STK24: variants seen among roughly 807,000 people sequenced by gnomAD.
The protein encoded by STK24 is serine/threonine kinase 24.
Under a neutral mutation model 55.6 loss-of-function variants are expected in STK24, and 21 were observed. The observed-to-expected ratio is 0.38, with a 90% CI of 0.27 to 0.54. STK24 has a LOEUF of 0.54. Among genes scored for constraint, STK24 ranks in the 20% least tolerant of loss-of-function variants. The pLI, the probability that STK24 is intolerant of heterozygous loss-of-function variation, is 0.79. For synonymous variants in STK24, 200 were observed against 215.2 expected (o/e 0.93, Z 0.62); for missense variants, 383 against 538.4 (o/e 0.71, Z 2.86).
At chr13:98,477,531 C>T (rs376022627) in intron 3 of STK24, among the ~76,000 whole-genome samples, 6 of 152,024 alleles carry the variant, frequency 3.9e-5, no homozygotes, top group African/African-American at 1.2e-4. Flanking sequence ...AAAAATTAGC[C>T]GGGCATGATG....
At chr13:98,508,268 C>T (rs971740699) in intron 2 of STK24, among the ~76,000 whole-genome samples, 3 of 152,144 alleles carry the variant, frequency 2.0e-5, no homozygotes, top group Non-Finnish European at 4.4e-5. Flanking sequence ...GATGGATTAA[C>T]TACATTAAAA....
At chr13:98,564,179 T>C (rs569096805) in intron 1 of STK24, among the ~76,000 whole-genome samples, 1 of 152,324 alleles carries the variant, frequency 6.6e-6, no homozygotes, top group African/African-American at 2.4e-5. Context: ...CTGAAATATA[T>C]GTATAGTATT....
chr13:98,453,517 A>C (rs1246981778), intron 10 of STK24: 6 of 339,740 alleles, frequency 1.8e-5, no homozygotes, highest in African/African-American at 1.3e-4. Context: ...CAAAAAGTGA[A>C]CATTGATCCA....
Position 98,463,825 on chromosome 13 carries a change from A to G in STK24, c.795T>C (p.Ala265=). Residue 265 remains alanine (A), a synonymous_variant, in exon 7 of 11, where the codon GCT becomes GCC. Coordinates refer to ENST00000539966, the MANE Select transcript of STK24 (RefSeq NM_001032296.4). ...TAAACTTGTGCTTCAATAACTCCTT[A>G]GCAGTGGGTCTCTGGAAAAACACAC... ...LNKEPSFRPT[A]KELLKHKFIL... The G allele has an allele frequency of 6.2e-7, 1 of 1,613,434 alleles. No individual in the cohort carries two copies. The highest frequency in any genetic ancestry group is 8.5e-7 in the Non-Finnish European group (1 of 1,179,678).
At chr13:98,514,919 G>A (rs1167641556) in intron 2 of STK24, among the ~76,000 whole-genome samples, 1 of 151,906 alleles carries the variant, frequency 6.6e-6, no homozygotes, top group Non-Finnish European at 1.5e-5. Flanking sequence ...TTACATACAT[G>A]ATCTCATCTT....
In STK24 at chr13:98,491,259, G is replaced by A. The variant is rs577578207; in HGVS notation, c.274-8938C>T. Among the ~76,000 whole-genome samples, 6 of 152,320 alleles carry A rather than the reference G, an allele frequency of 3.9e-5. No individual in the cohort carries two copies. In the South Asian group the frequency reaches 1.2e-3, roughly 32 times the overall value. On this transcript the variant is annotated intron_variant, in intron 2 of 10. Transcript: ENST00000539966. ...TAAACTAATGTCCAAGTTCCCAACAGGTGGCTTAGTCACTATTTTTAGGTA... is the reference window on the plus strand; with the variant it reads ...TAAACTAATGTCCAAGTTCCCAACAAGTGGCTTAGTCACTATTTTTAGGTA...
At chr13:98,523,625 G>A (rs932463596) in intron 1 of STK24, among the ~76,000 whole-genome samples, 3 of 152,180 alleles carry the variant, frequency 2.0e-5, no homozygotes, top group African/African-American at 4.8e-5. Flanking sequence ...AATGACATCC[G>A]CCCACTTCCT....
At chr13:98,495,828 C>T (rs1396329753) in intron 2 of STK24, among the ~76,000 whole-genome samples, 2 of 152,206 alleles carry the variant, frequency 1.3e-5, no homozygotes, top group Admixed American at 6.5e-5. Context: ...TGATTTGTTT[C>T]GTCGTTGCTG....
Position 98,474,933 on chromosome 13 carries a change from T to C in STK24, c.485A>G (p.Asp162Gly). ...LSEHGEVKLA[D>G]FGVAGQLTDT... is the part of the protein sequence containing the mutation. Reference sequence around the variant, plus strand: ...TGTCAGCTGGCCAGCCACGCCAAAGTCCGCCAGCTTCACCTCGCCATGCTC... The same window carrying C: ...TGTCAGCTGGCCAGCCACGCCAAAGCCCGCCAGCTTCACCTCGCCATGCTC... Residue 162 changes from aspartate (D) to glycine (G), a missense_variant, in exon 5 of 11, where the codon GAC becomes GGC. Physicochemically the swap from Asp to Gly is moderately conservative, Grantham distance 94. Transcript: ENST00000539966. The C allele has an allele frequency of 6.2e-7, 1 of 1,613,954 alleles. No individual in the cohort carries two copies. Among genetic ancestry groups the C allele is most frequent in the Non-Finnish European group, 8.5e-7 (1 of 1,179,948 alleles).
At chr13:98,530,114 C>T (rs1431128796) in intron 1 of STK24, among the ~76,000 whole-genome samples, 1 of 28,376 alleles carries the variant, frequency 3.5e-5, no homozygotes, top group African/African-American at 1.3e-4. Context: ...TACACACACA[C>T]ACGCACACAC....
At position 98,561,400 on chromosome 13, in the gene STK24, C is replaced by T. The variant is rs192311411; in HGVS notation, c.42+15345G>A. 2.1e-3 allele frequency among the ~76,000 whole-genome samples: 314 copies of T among 151,626 alleles called. 1 individual carries two copies. The highest frequency in any genetic ancestry group is 6.9e-3 in the African/African-American group (284 of 41,348). On this transcript the variant is annotated intron_variant, in intron 1 of 10. Transcript: ENST00000539966. ...GAGTTCAAGACCAGCCTGGCCAACA[C>T]GGTGAAACTCCCTCTCTACCAAAAA...
At chr13:98,492,538 C>T (rs1895081816) in intron 2 of STK24, among the ~76,000 whole-genome samples, 1 of 152,198 alleles carries the variant, frequency 6.6e-6, no homozygotes, top group East Asian at 1.9e-4. Flanking sequence ...CTCCGCACAG[C>T]CCACCCCCAG....
At chr13:98,473,648 T>C (rs925390032) in intron 5 of STK24, among the ~76,000 whole-genome samples, 1 of 152,104 alleles carries the variant, frequency 6.6e-6, no homozygotes, top group Non-Finnish European at 1.5e-5. Context: ...AGGTCTGCTG[T>C]GTGGGTATGT....
Position 98,534,435 on chromosome 13 carries a change from A to T in STK24, c.43-14962T>A, listed in dbSNP as rs530976463. ...TAGTTTATAGTTTAACTTTGAAACA[A>T]AAATGGTAATAGCCCTTTCCCAAAA... is the stretch of plus-strand genomic sequence containing the variant. On this transcript the variant is annotated intron_variant, in intron 1 of 10. Coordinates refer to ENST00000539966, the MANE Select transcript of STK24 (RefSeq NM_001032296.4). Among the ~76,000 whole-genome samples, 6 of 152,350 alleles carry T rather than the reference A, an allele frequency of 3.9e-5. No individual in the cohort carries two copies. The South Asian group carries it at 1.2e-3, about 32-fold the overall frequency.
At chr13:98,532,103 C>T (rs538230125) in intron 1 of STK24, among the ~76,000 whole-genome samples, 114 of 152,220 alleles carry the variant, frequency 7.5e-4, no homozygotes, top group African/African-American at 1.3e-3. Flanking sequence ...CTCTCACACG[C>T]GGCCAAGGTT....
intron 2 of STK24, among the ~76,000 whole-genome samples, chr13:98,490,581 T>C (rs982385463): frequency 2.0e-5 from 3 of 152,184 alleles, no homozygotes; most frequent in Admixed American, 1.3e-4. Flanking sequence ...TAAGTTGGAC[T>C]AACGTCCAGG....
chr13:98,545,894 A>C (rs1897017750), intron 1 of STK24, among the ~76,000 whole-genome samples: 1 of 152,210 alleles, frequency 6.6e-6, no homozygotes, highest in Non-Finnish European at 1.5e-5. Flanking sequence ...AAAATACAAA[A>C]AAAGAGAAAT....
chr13:98,500,689 C>T (rs924267148), intron 2 of STK24, among the ~76,000 whole-genome samples: 1 of 150,766 alleles, frequency 6.6e-6, no homozygotes, highest in African/African-American at 2.4e-5. Flanking sequence ...ATGCCTCCTC[C>T]CACACCTCGC....
chr13:98,503,015 T>C (rs1338836194), intron 2 of STK24, among the ~76,000 whole-genome samples: 3 of 135,116 alleles, frequency 2.2e-5, no homozygotes, highest in Admixed American at 7.9e-5. Context: ...TTAGAAATAC[T>C]TTCCATGTGT....
Sources: allele counts gnomAD v4.1 joint callset (sites outside exome capture counted in the v4.1 genomes callset), GRCh38; gene constraint gnomAD v4.1.1; transcripts MANE v1.5; gene names NCBI Gene and HGNC (gene_info 2026-07-23, HGNC 2026-07-21).